Variants in ZC3H8 observed in about 807,000 individuals in gnomAD.
The protein encoded by ZC3H8 is zinc finger CCCH domain-containing protein 8.
A neutral mutation model predicts 42.5 loss-of-function variants in ZC3H8; 27 were observed. The observed-to-expected ratio is 0.64, with a 90% CI of 0.47 to 0.88. The LOEUF (loss-of-function observed/expected upper bound fraction) is 0.88. Among genes scored for constraint, ZC3H8 ranks in the 40% least tolerant of loss-of-function variants. The pLI is 0.00. For synonymous variants in ZC3H8, 101 were observed against 110.1 expected, an observed-to-expected ratio of 0.92 and a Z score of 0.52; for missense variants, 277 against 336.1, an observed-to-expected ratio of 0.82 and a Z score of 1.37.
At chr2:112,231,785 A>C (rs1685102306) in intron 7 of ZC3H8, 53 bp downstream of exon 7, 7 of 1,187,108 alleles carry the variant, frequency 5.9e-6, no homozygotes, top group Non-Finnish European at 8.2e-6. Context: ...TCCTTAGTTC[A>C]AACATATTCC....
chr2:112,230,667 T>C (rs1212046530), intron 8 of ZC3H8: 3 of 207,906 alleles, frequency 1.4e-5, no homozygotes, highest in Non-Finnish European at 2.9e-5. Context: ...ATTTGGTAAA[T>C]CTACAAAGAA....
In ZC3H8 at chr2:112,230,933, C is replaced by G; in HGVS notation, c.861G>C (p.Lys287Asn). The G allele has an allele frequency of 2.4e-6, 3 of 1,254,226 alleles. No homozygotes were observed. The South Asian group carries it at 4.6e-5, about 19-fold the overall frequency. The allele number at this position is 1,254,226 out of a possible 1,614,324, so 77.7% of individuals were successfully genotyped here. ...TATGTCTATTTTATTTACATGACTT[C>G]TTTTCAGTATCCAAAACCTAATATA... ...ELLAKVLDTEKKSCK is the reference protein window; with the variant it reads ...ELLAKVLDTENKSCK The change falls in exon 8 of 9, where the codon AAG becomes AAC. Residue 287 changes from lysine to asparagine, a missense_variant. Coordinates refer to ENST00000409573, the MANE Select transcript of ZC3H8 (RefSeq NM_032494.3).
In ZC3H8 at chr2:112,212,308, G is replaced by T. The variant is rs1684166298; in HGVS notation, c.*4176C>A. On this transcript the variant is annotated 3_prime_UTR_variant, in exon 9 of 9. Transcript: ENST00000409573. ...CCTAACAGTTAGTCCTAGGAGTCAGGATTTCAACACATGAATTTTGGGGGT... is the reference window on the plus strand; with the variant it reads ...CCTAACAGTTAGTCCTAGGAGTCAGTATTTCAACACATGAATTTTGGGGGT... 1.3e-5 allele frequency: 2 copies of T among 152,226 alleles called. No individual in the cohort carries two copies. The highest frequency in any genetic ancestry group is 1.3e-4 in the Admixed American group (2 of 15,286). 9.4% of individuals were successfully genotyped at this position (152,226 alleles called of 1,614,324 possible).
chr2:112,236,735 A>G (rs377530751), intron 3 of ZC3H8, 40 bp from the exon 4 acceptor site: 420 of 1,536,506 alleles, frequency 2.7e-4, no homozygotes, highest in Non-Finnish European at 3.6e-4. Context: ...ACATAAAGTT[A>G]CAATAGCAGT....
Position 112,215,701 on chromosome 2 carries a change from T to C in ZC3H8, c.*783A>G, listed in dbSNP as rs1012499176. 4 of 152,210 alleles carry C rather than the reference T, an allele frequency of 2.6e-5. No individual in the cohort carries two copies. Among genetic ancestry groups the C allele is most frequent in the Non-Finnish European group, 5.9e-5 (4 of 68,044 alleles). The allele number at this position is 152,210 out of a possible 1,614,324, so 9.4% of individuals were successfully genotyped here. The stretch of plus-strand genomic sequence containing the variant: ...CTGCATATTTAGAATCTCATTATTA[T>C]TTGTACTTGGAACATTAGTATTTGA... On this transcript the variant is annotated 3_prime_UTR_variant, in exon 9 of 9. Transcript: ENST00000409573.
chr2:112,228,934 CA>C (rs1684970891), intron 8 of ZC3H8, among the ~76,000 whole-genome samples: 1 of 151,474 alleles, frequency 6.6e-6, no homozygotes, highest in African/African-American at 2.4e-5. Context: ...GACTAATGGC[CA>C]ATAAGCACAT....
chr2:112,228,764 T>A lies in ZC3H8; in HGVS notation c.*15+2139A>T, dbSNP rs553309624. 3.7e-4 allele frequency among the ~76,000 whole-genome samples: 56 copies of A among 152,318 alleles called. No individual in the cohort carries two copies. In the South Asian group the frequency reaches 0.011, roughly 30 times the overall value. ...CTGTACGACATCAAAATGAAAACTT[T>A]GATGCTTCAAAAGATACCATTAATA... On this transcript the variant is annotated intron_variant, in intron 8 of 8. Coordinates refer to ENST00000409573, the MANE Select transcript of ZC3H8 (RefSeq NM_032494.3).
At position 112,211,591 on chromosome 2, in the gene ZC3H8, C is replaced by T. The variant is rs868045499; in HGVS notation, c.*4893G>A. On this transcript the variant is annotated 3_prime_UTR_variant, in exon 9 of 9. Coordinates refer to ENST00000409573, the MANE Select transcript of ZC3H8 (RefSeq NM_032494.3). ...AGTTAAAAATTATATTTAATAGAATCTAAATGCCACTGAATCAATAAGATT... is the reference window on the plus strand; with the variant it reads ...AGTTAAAAATTATATTTAATAGAATTTAAATGCCACTGAATCAATAAGATT... 2.6e-5 allele frequency: 4 copies of T among 152,148 alleles called. No homozygotes were observed. Among genetic ancestry groups the T allele is most frequent in the African/African-American group, 9.7e-5 (4 of 41,412 alleles). 9.4% of individuals were successfully genotyped at this position (152,148 alleles called of 1,614,324 possible).
intron 8 of ZC3H8, among the ~76,000 whole-genome samples, chr2:112,228,719 T>C (rs920631232): frequency 2.0e-5 from 3 of 151,920 alleles, no homozygotes; most frequent in African/African-American, 7.3e-5. Context: ...GCATGATCCA[T>C]AGAAGAGAAA....
chr2:112,228,293 G>A (rs1684935316), intron 8 of ZC3H8, among the ~76,000 whole-genome samples: 1 of 152,128 alleles, frequency 6.6e-6, no homozygotes, highest in Non-Finnish European at 1.5e-5. Context: ...CCTGAGGTCA[G>A]GAGTTCAAGA....
intron 2 of ZC3H8, among the ~76,000 whole-genome samples, chr2:112,249,954 CAT>C (rs201819203): frequency 4.7e-4 from 70 of 149,362 alleles, no homozygotes; most frequent in South Asian, 1.3e-3. Flanking sequence ...AATTATTAAA[CAT>C]ATGTCATGTT....
intron 8 of ZC3H8, among the ~76,000 whole-genome samples, chr2:112,225,121 G>C (rs1342692115): frequency 6.6e-6 from 1 of 152,044 alleles, no homozygotes; most frequent in Non-Finnish European, 1.5e-5. Flanking sequence ...TTTGTGTATT[G>C]ATCTTGTTTC....
At chr2:112,232,544 C>G (rs1209842052) in intron 6 of ZC3H8, among the ~76,000 whole-genome samples, 1 of 151,950 alleles carries the variant, frequency 6.6e-6, no homozygotes, top group Non-Finnish European at 1.5e-5. Context: ...TTTTAAATAC[C>G]TTGATAAATG....
intron 8 of ZC3H8, among the ~76,000 whole-genome samples, chr2:112,229,530 G>C (rs890825193): frequency 1.3e-5 from 2 of 152,154 alleles, no homozygotes; most frequent in Non-Finnish European, 2.9e-5. Context: ...CCAACACCAT[G>C]AGAAGAACAT....
Position 112,250,075 on chromosome 2 carries a change from C to T in ZC3H8, c.156+116G>A, listed in dbSNP as rs1383617873. 11 of 685,250 alleles carry T rather than the reference C, an allele frequency of 1.6e-5. No homozygotes were observed. In the African/African-American group the frequency reaches 1.9e-4, roughly 12 times the overall value. The allele number at this position is 685,250 out of a possible 1,614,324, so 42.4% of individuals were successfully genotyped here. On this transcript the variant is annotated intron_variant, in intron 2 of 8. Transcript: ENST00000409573. ...CTGGTAAAATGAGACAAGTAGGATC[C>T]TTCATTAATTTCTCATATCCATTTC...
intron 2 of ZC3H8, among the ~76,000 whole-genome samples, chr2:112,248,006 T>C (rs1685815380): frequency 6.6e-6 from 1 of 152,238 alleles, no homozygotes; most frequent in South Asian, 2.1e-4. Context: ...CTGTACCTGC[T>C]TTATCATCTG....
intron 8 of ZC3H8, among the ~76,000 whole-genome samples, chr2:112,223,273 AAAAGT>A (rs1222608956): frequency 6.6e-6 from 1 of 152,218 alleles, no homozygotes; most frequent in Non-Finnish European, 1.5e-5. Context: ...AAAAGAAAAA[AAAAGT>A]AAAGAATATT....
At chr2:112,234,261 T>G in intron 4 of ZC3H8, 25 bp from the exon 5 acceptor site, 1 of 1,470,322 alleles carries the variant, frequency 6.8e-7, no homozygotes, top group Non-Finnish European at 9.3e-7. Flanking sequence ...ACAAAAAAAC[T>G]AAATGTAAGA....
At chr2:112,225,943 G>A (rs1341256708) in intron 8 of ZC3H8, among the ~76,000 whole-genome samples, 1 of 151,922 alleles carries the variant, frequency 6.6e-6, no homozygotes, top group African/African-American at 2.4e-5. Flanking sequence ...TTAGCCGGGT[G>A]TGGTGGCGCA....
Sources: allele counts gnomAD v4.1 joint callset (sites outside exome capture counted in the v4.1 genomes callset), GRCh38; gene constraint gnomAD v4.1.1; transcripts MANE v1.5; gene names NCBI Gene and HGNC (gene_info 2026-07-23, HGNC 2026-07-21).